ZBTB7C: variants seen among roughly 807,000 people sequenced by gnomAD.
The protein encoded by ZBTB7C is zinc finger and BTB domain-containing protein 7C.
Under a neutral mutation model 25.7 loss-of-function variants are expected in ZBTB7C, and 8 were observed. The ratio of observed to expected loss-of-function variants is 0.31; its 90% CI spans 0.18 to 0.56. The LOEUF is 0.56. Among genes scored for constraint, ZBTB7C ranks in the 20% least tolerant of loss-of-function variants. ZBTB7C has a pLI of 0.91. For missense variants in ZBTB7C, 824 were observed against 855.2 expected, an observed-to-expected ratio of 0.96 and a Z score of 0.46; for synonymous variants, 394 against 369.0, an observed-to-expected ratio of 1.07 and a Z score of -0.78.
chr18:48,138,374 G>T (rs1555698570), intron 3 of ZBTB7C, among the ~76,000 whole-genome samples: 2 of 152,194 alleles, frequency 1.3e-5, no homozygotes, highest in Non-Finnish European at 2.9e-5. Context: ...GCCCTGCAGG[G>T]AGCCTGCCCC....
rs188822530 is a variant in ZBTB7C, at chr18:48,291,922, G to A, written c.-79+46252C>T. Among the ~76,000 whole-genome samples the A allele has an allele frequency of 1.8e-3, 271 of 152,312 alleles. 2 individuals carry two copies. Among genetic ancestry groups the A allele is most frequent in the African/African-American group, 6.1e-3 (255 of 41,580 alleles). ...CTTAAAAATTGCTACCATTAGCCGG[G>A]CGTGGTGGCTCACACCTGTAATCTC... On this transcript the variant is annotated intron_variant, in intron 2 of 4. Coordinates refer to ENST00000590800, the MANE Select transcript of ZBTB7C (RefSeq NM_001318841.2).
intron 2 of ZBTB7C, among the ~76,000 whole-genome samples, chr18:48,219,834 A>T (rs887807166): frequency 1.3e-5 from 2 of 152,172 alleles, no homozygotes; most frequent in African/African-American, 4.8e-5. Flanking sequence ...CTGGTGTCAG[A>T]GCAGAGAGTG....
intron 2 of ZBTB7C, among the ~76,000 whole-genome samples, chr18:48,299,290 C>A (rs1026825869): frequency 1.4e-4 from 22 of 152,344 alleles, no homozygotes; most frequent in African/African-American, 5.1e-4. Flanking sequence ...GAGGGCCATG[C>A]TGTCCTCACA....
intron 3 of ZBTB7C, among the ~76,000 whole-genome samples, chr18:48,118,001 CTTTTTTT>C (rs11358230): frequency 7.8e-6 from 1 of 128,516 alleles, no homozygotes; most frequent in Non-Finnish European, 1.7e-5. Flanking sequence ...TCTTCTTCTT[CTTTTTTT>C]TTTTTTTTTT....
intron 3 of ZBTB7C, among the ~76,000 whole-genome samples, chr18:48,063,481 G>A (rs1259064344): frequency 2.0e-5 from 3 of 152,230 alleles, no homozygotes; most frequent in Admixed American, 1.3e-4. Flanking sequence ...ACAGTAGGGT[G>A]ACAGAACATA....
At chr18:48,107,311 TGGGAGGAGGG>T (rs2039068985) in intron 3 of ZBTB7C, among the ~76,000 whole-genome samples, 14 of 99,744 alleles carry the variant, frequency 1.4e-4, no homozygotes, top group Admixed American at 1.2e-3. Flanking sequence ...TGAGGAGGGA[TGGGAGGAGGG>T]TGAAAGGCAA....
chr18:48,029,296 G>GAGGCCGGCGAGCCCAGGGAGGCCGGCC lies in ZBTB7C; in HGVS notation c.1797_1823dup (p.Ala600_Leu608dup), dbSNP rs751039921. The GAGGCCGGCGAGCCCAGGGAGGCCGGCC allele has an allele frequency of 6.5e-7, 1 of 1,537,958 alleles. No individual in the cohort carries two copies. Among genetic ancestry groups the GAGGCCGGCGAGCCCAGGGAGGCCGGCC allele is most frequent in the Non-Finnish European group, 8.7e-7 (1 of 1,148,574 alleles). On this transcript the variant is annotated inframe_insertion, in exon 5 of 5. Coordinates refer to ENST00000590800, the MANE Select transcript of ZBTB7C (RefSeq NM_001318841.2). ...CTTCGGACATGGAGGCCACGTGGTTGAGGCCGGCGAGCCCAGGGAGGCCGG... is the reference window on the plus strand; with the variant it reads ...CTTCGGACATGGAGGCCACGTGGTTGAGGCCGGCGAGCCCAGGGAGGCCGGCCAGGCCGGCGAGCCCAGGGAGGCCGG...
In ZBTB7C at chr18:48,397,222, G is replaced by A. The variant is rs372653162; in HGVS notation, c.-304+12004C>T. On this transcript the variant is annotated intron_variant, in intron 1 of 4. Coordinates refer to ENST00000590800, the MANE Select transcript of ZBTB7C (RefSeq NM_001318841.2). ...AAGCCAGATGTGAACTGCACAGGGC[G>A]GGAACCAGCCTGGGAGTTAAGATTT... 4.6e-5 allele frequency among the ~76,000 whole-genome samples: 7 copies of A among 152,310 alleles called. No individual in the cohort carries two copies. The East Asian group carries it at 5.8e-4, about 13-fold the overall frequency.
At chr18:48,318,103 G>A (rs1431734747) in intron 2 of ZBTB7C, among the ~76,000 whole-genome samples, 1 of 151,992 alleles carries the variant, frequency 6.6e-6, no homozygotes, top group Non-Finnish European at 1.5e-5. Context: ...TGGGGAAACT[G>A]AGGGCTGAGG....
chr18:48,291,056 A>T (rs1291926832), intron 2 of ZBTB7C, among the ~76,000 whole-genome samples: 1 of 152,226 alleles, frequency 6.6e-6, no homozygotes, highest in African/African-American at 2.4e-5. Flanking sequence ...CCCCAACTCC[A>T]TCTTAGGTAC....
intron 3 of ZBTB7C, among the ~76,000 whole-genome samples, chr18:48,146,181 A>G (rs1259672192): frequency 6.6e-6 from 1 of 152,240 alleles, no homozygotes; most frequent in East Asian, 1.9e-4. Context: ...AAACAATCCA[A>G]GCATATGTGT....
intron 3 of ZBTB7C, among the ~76,000 whole-genome samples, chr18:48,054,764 A>G (rs1401252449): frequency 6.6e-6 from 1 of 152,098 alleles, no homozygotes; most frequent in Non-Finnish European, 1.5e-5. Context: ...TAGAACTTTT[A>G]TTGCACTGAG....
chr18:48,274,937 C>G (rs1030703127), intron 2 of ZBTB7C, among the ~76,000 whole-genome samples: 1 of 152,210 alleles, frequency 6.6e-6, no homozygotes, highest in Non-Finnish European at 1.5e-5. Flanking sequence ...CCTCCCGCTA[C>G]AACACACACC....
chr18:48,120,065 G>T (rs569529449), intron 3 of ZBTB7C, among the ~76,000 whole-genome samples: 1 of 152,290 alleles, frequency 6.6e-6, no homozygotes, highest in South Asian at 2.1e-4. Context: ...TACATTTCCA[G>T]GTGGGGCCCA....
At chr18:48,107,547 G>T (rs951706317) in intron 3 of ZBTB7C, among the ~76,000 whole-genome samples, 1 of 152,062 alleles carries the variant, frequency 6.6e-6, no homozygotes, top group Non-Finnish European at 1.5e-5. Flanking sequence ...AGCCTGGAGG[G>T]AAAAGGAACC....
chr18:48,305,255 G>A (rs2045644618), intron 2 of ZBTB7C, among the ~76,000 whole-genome samples: 1 of 152,178 alleles, frequency 6.6e-6, no homozygotes, highest in African/African-American at 2.4e-5. Flanking sequence ...CTGTTGCTGG[G>A]TGACCCAGCC....
intron 2 of ZBTB7C, among the ~76,000 whole-genome samples, chr18:48,201,537 ACAT>A (rs1045687612): frequency 2.0e-5 from 3 of 151,682 alleles, no homozygotes; most frequent in African/African-American, 7.3e-5. Flanking sequence ...GATTTTCCAC[ACAT>A]CTTCTTCCCC....
intron 3 of ZBTB7C, among the ~76,000 whole-genome samples, chr18:48,138,180 G>C (rs2040232416): frequency 6.6e-6 from 1 of 152,246 alleles, no homozygotes; most frequent in South Asian, 2.1e-4. Flanking sequence ...TCTCCGGCAG[G>C]CCATGAGCCT....
chr18:48,093,262 C>G (rs1408752964), intron 3 of ZBTB7C, among the ~76,000 whole-genome samples: 6 of 152,172 alleles, frequency 3.9e-5, no homozygotes, highest in Non-Finnish European at 5.9e-5. Flanking sequence ...CGGTTTCTCC[C>G]TTCTTCCTGA....
Sources: gnomAD v4.1 joint callset for allele counts (sites outside exome capture counted in the v4.1 genomes callset) on GRCh38, gnomAD v4.1.1 for gene constraint, MANE v1.5 for transcripts, NCBI Gene and HGNC (gene_info 2026-07-23, HGNC 2026-07-21) for gene names.